The following ANK3 variants were observed in gnomAD, a reference collection of about 807,000 sequenced individuals.
The protein encoded by ANK3 is ankyrin-3.
ANK3 carries 57 observed loss-of-function variants against 370.9 expected under a neutral mutation model. The observed-to-expected ratio is 0.15, with a 90% CI of 0.12 to 0.19. The LOEUF (loss-of-function observed/expected upper bound fraction) is 0.19. Among genes scored for constraint, ANK3 ranks in the 10% least tolerant of loss-of-function variants. The pLI, the probability that ANK3 is intolerant of heterozygous loss-of-function variation, is 1.00. For synonymous variants in ANK3, 1,929 were observed against 1,946.3 expected (o/e 0.99, Z 0.23); for missense variants, 4,439 against 5,302.1 (o/e 0.84, Z 5.06).
chr10:60,468,997 G>A (rs71490853), intron 2 of ANK3, among the ~76,000 whole-genome samples: 12,013 of 21,690 alleles, frequency 0.55, 2,851 homozygotes, highest in South Asian at 0.66. Flanking sequence ...CTTTTAGTGT[G>A]TATATATATA....
Position 60,196,628 on chromosome 10 carries a change from G to GAAA in ANK3, c.1690-6_1690-4dup, listed in dbSNP as rs34796699. ...ACATGAAGAGGAGTAAATCCTTTCT[G>GAAA]AAAAAAAAAAAACATAAAAATAATG... On this transcript the variant is annotated splice_polypyrimidine_tract_variant and splice_region_variant and intron_variant, in intron 14 of 43. Coordinates refer to ENST00000280772, the MANE Select transcript of ANK3 (RefSeq NM_020987.5). 13,701 of 1,258,284 alleles carry GAAA rather than the reference G, an allele frequency of 0.011. 397 individuals carry two copies. In the African/African-American group the frequency reaches 0.13, roughly 12 times the overall value. 77.9% of individuals were successfully genotyped at this position (1,258,284 alleles called of 1,614,324 possible).
At chr10:60,614,714 A>C (rs562838638) in intron 2 of ANK3, among the ~76,000 whole-genome samples, 16 of 152,238 alleles carry the variant, frequency 1.1e-4, no homozygotes, top group Non-Finnish European at 1.8e-4. Context: ...AAATAATTGA[A>C]GTGACTCTCC....
At chr10:60,098,861 T>C (rs2090651632) in intron 28 of ANK3, among the ~76,000 whole-genome samples, 1 of 152,206 alleles carries the variant, frequency 6.6e-6, no homozygotes, top group Non-Finnish European at 1.5e-5. Context: ...TGTTTAGATT[T>C]GCACGTGTAA....
rs953933914 is a variant in ANK3, at chr10:60,029,221, C to G, written c.*625G>C. On this transcript the variant is annotated 3_prime_UTR_variant, in exon 44 of 44. Transcript: ENST00000280772. ...TCACCCCCACCCAGAATCCCTCCCT[C>G]CTCTTCTAGGGTGAAGTCACTTGAG... The G allele has an allele frequency of 6.6e-6, 1 of 152,266 alleles. No homozygotes were observed. Among genetic ancestry groups the G allele is most frequent in the Non-Finnish European group, 1.5e-5 (1 of 68,012 alleles). 9.4% of individuals were successfully genotyped at this position (152,266 alleles called of 1,614,324 possible).
At chr10:60,669,878 A>G (rs1296445082) in intron 1 of ANK3, among the ~76,000 whole-genome samples, 3 of 152,110 alleles carry the variant, frequency 2.0e-5, no homozygotes, top group African/African-American at 7.2e-5. Flanking sequence ...GCTGGAGTGC[A>G]GTGGTGTGAA....
intron 1 of ANK3, among the ~76,000 whole-genome samples, chr10:60,292,232 A>G: frequency 6.6e-6 from 1 of 152,130 alleles, no homozygotes; most frequent in East Asian, 1.9e-4. Flanking sequence ...TGGAGAAACC[A>G]TTTCTGAAAA....
Position 60,074,139 on chromosome 10 carries a change from T to C in ANK3, c.6742A>G (p.Thr2248Ala). ...MRVKEETHIT[T>A]TTRMVYHSPP... is the part of the protein sequence containing the mutation. The stretch of plus-strand genomic sequence containing the variant: ...GAATGATAAACCATTCTGGTGGTTG[T>C]GGTTATGTGAGTCTCTTCTTTAACA... Residue 2248 changes from threonine to alanine, a missense_variant, in exon 37 of 44, where the codon ACA becomes GCA. Around this residue, in one of 13 missense-constraint regions of ANK3, gnomAD observed 1,601 missense variants for 1,731.7 expected, o/e 0.92. Transcript: ENST00000280772. The C allele has an allele frequency of 6.2e-7, 1 of 1,613,850 alleles. No homozygotes were observed. The highest frequency in any genetic ancestry group is 8.5e-7 in the Non-Finnish European group (1 of 1,179,944).
chr10:60,388,401 T>C (rs1232857936), intron 1 of ANK3, among the ~76,000 whole-genome samples: 3 of 152,188 alleles, frequency 2.0e-5, no homozygotes, highest in African/African-American at 7.2e-5. Context: ...AATCTGCATG[T>C]CATTTAGAAA....
intron 42 of ANK3, among the ~76,000 whole-genome samples, chr10:60,049,289 A>G (rs934509272): frequency 1.3e-5 from 2 of 152,150 alleles, no homozygotes; most frequent in Admixed American, 1.3e-4. Context: ...AAATTACATT[A>G]ACTTCAAGAA....
intron 2 of ANK3, among the ~76,000 whole-genome samples, chr10:60,411,506 G>A (rs975358619): frequency 2.0e-5 from 3 of 152,182 alleles, no homozygotes; most frequent in Admixed American, 6.5e-5. Flanking sequence ...GGAGCATGTG[G>A]CAGGCAGTCT....
At chr10:60,138,827 T>C in intron 24 of ANK3, 137 bp downstream of exon 24, 1 of 1,120,746 alleles carries the variant, frequency 8.9e-7, no homozygotes, top group Non-Finnish European at 1.3e-6. Flanking sequence ...TGTATTTGCG[T>C]CGAGAACATT....
chr10:60,346,614 C>G (rs2055559091), intron 1 of ANK3, among the ~76,000 whole-genome samples: 1 of 106,118 alleles, frequency 9.4e-6, no homozygotes, highest in Admixed American at 1.1e-4. Context: ...AGAGAATTAT[C>G]TGCTTGCAGG....
intron 28 of ANK3, among the ~76,000 whole-genome samples, chr10:60,101,876 T>C (rs2091312264): frequency 6.6e-6 from 1 of 152,102 alleles, no homozygotes; most frequent in South Asian, 2.1e-4. Context: ...ACAACTTAAA[T>C]ACCAGCTGAC....
At chr10:60,298,877 GCTGT>G (rs1403579561) in intron 1 of ANK3, among the ~76,000 whole-genome samples, 3 of 152,152 alleles carry the variant, frequency 2.0e-5, no homozygotes, top group Non-Finnish European at 2.9e-5. Flanking sequence ...ATTTCTCAAA[GCTGT>G]CTAACTATGT....
At chr10:60,172,064 T>C (rs1313698000) in intron 21 of ANK3, among the ~76,000 whole-genome samples, 4 of 152,228 alleles carry the variant, frequency 2.6e-5, no homozygotes, top group African/African-American at 9.6e-5. Flanking sequence ...CATTTAGCTG[T>C]ATATGGAAGT....
In ANK3 at chr10:60,426,512, T is replaced by C. The variant is rs1485722423; in HGVS notation, c.97-146873A>G. 2.0e-5 allele frequency among the ~76,000 whole-genome samples: 3 copies of C among 152,100 alleles called. No individual in the cohort carries two copies. The East Asian group carries it at 5.8e-4, about 29-fold the overall frequency. Reference sequence around the variant, plus strand: ...ATCCCAATAATTTAGATTGAACTCATGGGCAGGAGACGCAATGAGTCATTT... The same window carrying C: ...ATCCCAATAATTTAGATTGAACTCACGGGCAGGAGACGCAATGAGTCATTT... On this transcript the variant is annotated intron_variant, in intron 2 of 43. Coordinates refer to the ANK3 transcript ENST00000373827.
intron 23 of ANK3, among the ~76,000 whole-genome samples, chr10:60,142,067 G>A (rs758076333): frequency 1.3e-5 from 2 of 152,148 alleles, no homozygotes; most frequent in Non-Finnish European, 2.9e-5. Flanking sequence ...ACTGAGCAAA[G>A]CGTTATTCAA....
intron 28 of ANK3, among the ~76,000 whole-genome samples, chr10:60,097,707 C>T (rs1222219851): frequency 6.6e-6 from 1 of 152,158 alleles, no homozygotes; most frequent in Non-Finnish European, 1.5e-5. Context: ...CTTATGGGCA[C>T]ACAATTAAAT....
intron 1 of ANK3, among the ~76,000 whole-genome samples, chr10:60,699,289 T>C (rs1292685364): frequency 6.6e-6 from 1 of 151,500 alleles, no homozygotes; most frequent in Non-Finnish European, 1.5e-5. Context: ...AATAAATAGA[T>C]TAAAAAAAAG....
Sources: gnomAD v4.1 joint callset for allele counts (sites outside exome capture counted in the v4.1 genomes callset) on GRCh38, gnomAD v4.1.1 for gene constraint, gnomAD v4.1.1 regional missense constraint, MANE v1.5 for transcripts, NCBI Gene and HGNC (gene_info 2026-07-23, HGNC 2026-07-21) for gene names.